GRIK1: variants seen among roughly 807,000 people sequenced by gnomAD.
GRIK1 encodes glutamate ionotropic receptor kainate type subunit 1, also known as glutamate receptor ionotropic, kainate 1.
In GRIK1, 69 loss-of-function variants were observed where a neutral mutation model predicts 105.7. The observed-to-expected ratio is 0.65, with a 90% CI of 0.54 to 0.80. The LOEUF is 0.80. Among genes scored for constraint, GRIK1 ranks in the 30% least tolerant of loss-of-function variants. The probability of loss-of-function intolerance (pLI) is 0.00; values close to 1 mark genes in which losing one functional copy is unlikely to be tolerated. For synonymous variants in GRIK1, 438 were observed against 431.3 expected, an observed-to-expected ratio of 1.02 and a Z score of -0.19; for missense variants, 1,109 against 1,167.3, an observed-to-expected ratio of 0.95 and a Z score of 0.73.
chr21:29,758,248 G>A (rs550812405), intron 1 of GRIK1, among the ~76,000 whole-genome samples: 127 of 152,248 alleles, frequency 8.3e-4, no homozygotes, highest in African/African-American at 2.3e-3. Flanking sequence ...GTCTGTTCTC[G>A]CGCTGTTAAT....
chr21:29,723,329 G>T (rs1478337693), intron 1 of GRIK1, among the ~76,000 whole-genome samples: 1 of 152,188 alleles, frequency 6.6e-6, no homozygotes, highest in Non-Finnish European at 1.5e-5. Flanking sequence ...ATCTGGAATT[G>T]AATCTTAACT....
chr21:29,713,952 A>G (rs986385643), intron 1 of GRIK1, among the ~76,000 whole-genome samples: 4 of 152,148 alleles, frequency 2.6e-5, no homozygotes, highest in African/African-American at 9.7e-5. Flanking sequence ...TTGTCTTTAT[A>G]GTCTCAGCAA....
chr21:29,689,140 G>C (rs148009914), intron 3 of GRIK1, among the ~76,000 whole-genome samples: 1 of 151,714 alleles, frequency 6.6e-6, no homozygotes, highest in East Asian at 1.9e-4. Context: ...GTTCAAATGG[G>C]GGCGGGTCAG....
intron 5 of GRIK1, among the ~76,000 whole-genome samples, chr21:29,652,391 G>A (rs1436509187): frequency 6.6e-6 from 1 of 152,118 alleles, no homozygotes; most frequent in Non-Finnish European, 1.5e-5. Context: ...CATACAACGA[G>A]GGCATGAAGA....
At chr21:29,812,399 T>C (rs1023680753) in intron 1 of GRIK1, among the ~76,000 whole-genome samples, 20 of 152,164 alleles carry the variant, frequency 1.3e-4, no homozygotes, top group African/African-American at 4.3e-4. Flanking sequence ...CATAAATGAA[T>C]GGCAGTAATA....
intron 6 of GRIK1, among the ~76,000 whole-genome samples, chr21:29,650,293 C>T (rs764186159): frequency 2.0e-5 from 3 of 152,166 alleles, no homozygotes; most frequent in East Asian, 1.9e-4. Flanking sequence ...AGCGAGAGTG[C>T]GTCTCCCGAT....
At chr21:29,744,614 C>T (rs549337977) in intron 1 of GRIK1, among the ~76,000 whole-genome samples, 2 of 148,498 alleles carry the variant, frequency 1.3e-5, no homozygotes, top group South Asian at 2.1e-4. Flanking sequence ...TCTTATTCTT[C>T]ATCTGATTAC....
At chr21:29,574,680 C>T (rs1318425553) in intron 14 of GRIK1, among the ~76,000 whole-genome samples, 1 of 141,898 alleles carries the variant, frequency 7.0e-6, no homozygotes, top group Non-Finnish European at 1.5e-5. Context: ...AAATGATACA[C>T]TTCTTTTTTT....
At chr21:29,684,262 CT>C (rs1331070684) in intron 3 of GRIK1, among the ~76,000 whole-genome samples, 1 of 125,656 alleles carries the variant, frequency 8.0e-6, no homozygotes, top group Non-Finnish European at 1.8e-5. Context: ...CTCTATCTAT[CT>C]ATCTATCTAT....
intron 7 of GRIK1, among the ~76,000 whole-genome samples, chr21:29,628,404 C>G (rs1344649923): frequency 1.3e-5 from 2 of 152,196 alleles, no homozygotes; most frequent in Non-Finnish European, 2.9e-5. Context: ...CTTGCAATAA[C>G]AGCTTGCATG....
chr21:29,759,155 G>GT (rs2065439087), intron 1 of GRIK1: 1 of 140,454 alleles, frequency 7.1e-6, no homozygotes, highest in African/African-American at 2.6e-5. Context: ...GTCTCACTCT[G>GT]CCCCCAGACC....
At chr21:29,701,549 C>G (rs984804330) in intron 1 of GRIK1, among the ~76,000 whole-genome samples, 1 of 152,152 alleles carries the variant, frequency 6.6e-6, no homozygotes, top group East Asian at 1.9e-4. Context: ...TAAGGGCCAT[C>G]ACAGGGCTGT....
intron 1 of GRIK1, among the ~76,000 whole-genome samples, chr21:29,818,172 A>G (rs1194225371): frequency 1.3e-5 from 2 of 152,126 alleles, no homozygotes; most frequent in Non-Finnish European, 2.9e-5. Flanking sequence ...GCCATTCCAT[A>G]TATTTCAACC....
chr21:29,668,982 A>G (rs1222078498), intron 4 of GRIK1, among the ~76,000 whole-genome samples: 1 of 152,150 alleles, frequency 6.6e-6, no homozygotes, highest in Admixed American at 6.5e-5. Flanking sequence ...AGTTGGGGAG[A>G]GGACACATGC....
chr21:29,563,812 G>C (rs144105246), intron 14 of GRIK1, among the ~76,000 whole-genome samples: 3 of 152,288 alleles, frequency 2.0e-5, no homozygotes, highest in Admixed American at 6.5e-5. Context: ...CTGTCACAGA[G>C]GAGGAAGTTT....
chr21:29,610,427 C>T (rs932000281), intron 7 of GRIK1, among the ~76,000 whole-genome samples: 13 of 151,988 alleles, frequency 8.6e-5, no homozygotes, highest in African/African-American at 2.7e-4. Context: ...CAGGAAGGGT[C>T]AGAGAGACAG....
intron 1 of GRIK1, among the ~76,000 whole-genome samples, chr21:29,755,511 A>G (rs1274318781): frequency 3.0e-4 from 46 of 152,252 alleles, no homozygotes; most frequent in Admixed American, 3.0e-3. Flanking sequence ...GATCTGAGGC[A>G]TGAGGTTTAA....
intron 1 of GRIK1, among the ~76,000 whole-genome samples, chr21:29,932,931 C>T (rs753365461): frequency 2.1e-4 from 31 of 146,360 alleles, no homozygotes; most frequent in Admixed American, 6.1e-4. Flanking sequence ...AAAAAAAAAA[C>T]GAGAAAAAGA....
At chr21:29,907,789 C>T (rs987165047) in intron 1 of GRIK1, among the ~76,000 whole-genome samples, 8 of 151,924 alleles carry the variant, frequency 5.3e-5, no homozygotes, top group Non-Finnish European at 1.2e-4. Flanking sequence ...AACATAGGTG[C>T]AAAAAAGAGC....
Sources: gnomAD v4.1 joint callset for allele counts (sites outside exome capture counted in the v4.1 genomes callset) on GRCh38, gnomAD v4.1.1 for gene constraint, MANE v1.5 for transcripts, NCBI Gene and HGNC (gene_info 2026-07-23, HGNC 2026-07-21) for gene names.